Variants in RSRC1 observed in about 807,000 individuals in gnomAD.
The protein encoded by RSRC1 is serine/Arginine-related protein 53.
A neutral mutation model predicts 49.1 loss-of-function variants in RSRC1; 39 were observed. The ratio of observed to expected loss-of-function variants is 0.79; its 90% CI spans 0.61 to 1.04. RSRC1 has a LOEUF of 1.04. RSRC1 is among the 50% of genes least tolerant of loss of function. RSRC1 has a pLI of 0.00. For missense variants in RSRC1, 388 were observed against 402.4 expected, an observed-to-expected ratio of 0.96 and a Z score of 0.31; for synonymous variants, 143 against 130.8, an observed-to-expected ratio of 1.09 and a Z score of -0.63.
rs993872534 is a variant in RSRC1 at position 158,539,858 on chromosome 3, C to G, written c.759+2660C>G. The stretch of plus-strand genomic sequence containing the variant: ...CAAAGAAATCTTAATGTACTGTGTA[C>G]GTAAAAACAAGATGAGATTGCTTGG... On this transcript the variant is annotated intron_variant, in intron 8 of 9. Transcript: ENST00000611884. This position sits in a 1 kb window ranked among gnomAD's most constrained non-coding sequence, Gnocchi z 4.1. 6.6e-6 allele frequency among the ~76,000 whole-genome samples: 1 copy of G among 152,072 alleles called. No individual in the cohort carries two copies. Among genetic ancestry groups the G allele is most frequent in the East Asian group, 1.9e-4 (1 of 5,198 alleles).
intron 3 of RSRC1, among the ~76,000 whole-genome samples, chr3:158,200,325 A>AC (rs1720969330): frequency 1.3e-5 from 2 of 152,190 alleles, no homozygotes. Context: ...GGCGTGAGCT[A>AC]CCACGCCCGG....
chr3:158,152,569 C>T (rs1229333574), intron 3 of RSRC1, among the ~76,000 whole-genome samples: 1 of 152,072 alleles, frequency 6.6e-6, no homozygotes, highest in African/African-American at 2.4e-5. Context: ...TTGTTCTTCC[C>T]ATCAGTATTC....
At chr3:158,326,917 G>A (rs1729191220) in intron 5 of RSRC1, among the ~76,000 whole-genome samples, 1 of 152,088 alleles carries the variant, frequency 6.6e-6, no homozygotes, top group Non-Finnish European at 1.5e-5. Flanking sequence ...GCCTGTTATT[G>A]GTCTATTCAG....
intron 6 of RSRC1, among the ~76,000 whole-genome samples, chr3:158,458,598 C>T (rs1187066852): frequency 1.3e-5 from 2 of 151,982 alleles, no homozygotes; most frequent in Non-Finnish European, 2.9e-5. Flanking sequence ...AGTGGAAGAA[C>T]CAAGGGACTG....
At chr3:158,532,653 T>C (rs576533205) in intron 7 of RSRC1, among the ~76,000 whole-genome samples, 173 of 151,978 alleles carry the variant, frequency 1.1e-3, no homozygotes, top group African/African-American at 3.8e-3. Flanking sequence ...TGGTCTGTAA[T>C]GACTTGGCTT....
intron 4 of RSRC1, among the ~76,000 whole-genome samples, chr3:158,229,262 ATG>A (rs1722775515): frequency 8.2e-6 from 1 of 122,458 alleles, no homozygotes; most frequent in Admixed American, 8.5e-5. Context: ...ATACATGTAT[ATG>A]TGTATGTATG....
At chr3:158,214,266 A>T (rs1324342826) in intron 4 of RSRC1, among the ~76,000 whole-genome samples, 1 of 151,782 alleles carries the variant, frequency 6.6e-6, no homozygotes, top group Non-Finnish European at 1.5e-5. Flanking sequence ...TGTTGAGTTT[A>T]TATTCATAGA....
At chr3:158,156,715 G>A (rs1717900200) in intron 3 of RSRC1, among the ~76,000 whole-genome samples, 1 of 152,204 alleles carries the variant, frequency 6.6e-6, no homozygotes, top group African/African-American at 2.4e-5. Context: ...ACAGAGATGG[G>A]AACAGTTGGT....
At chr3:158,511,035 T>C (rs1251481941) in intron 7 of RSRC1, among the ~76,000 whole-genome samples, 2 of 152,206 alleles carry the variant, frequency 1.3e-5, no homozygotes, top group Non-Finnish European at 2.9e-5. Flanking sequence ...TGCATATTTA[T>C]TTAGGTTTTC....
intron 8 of RSRC1, among the ~76,000 whole-genome samples, chr3:158,542,009 T>C (rs1285309082): frequency 6.6e-6 from 1 of 152,174 alleles, no homozygotes; most frequent in Non-Finnish European, 1.5e-5. Context: ...ATGGTTTGCA[T>C]GATGGTATAA....
intron 5 of RSRC1, among the ~76,000 whole-genome samples, chr3:158,351,524 G>T (rs1730872276): frequency 6.6e-6 from 1 of 152,180 alleles, no homozygotes; most frequent in African/African-American, 2.4e-5. Context: ...ATAAAATTTA[G>T]CAAGTTATAT....
At chr3:158,446,310 T>C (rs1008846134) in intron 6 of RSRC1, among the ~76,000 whole-genome samples, 5 of 151,922 alleles carry the variant, frequency 3.3e-5, no homozygotes, top group African/African-American at 4.8e-5. Context: ...CTCTGCCATA[T>C]AGAATTGAAA....
At chr3:158,511,016 G>T (rs556244933) in intron 7 of RSRC1, among the ~76,000 whole-genome samples, 19 of 152,134 alleles carry the variant, frequency 1.2e-4, no homozygotes, top group African/African-American at 4.6e-4. Flanking sequence ...CTAGAGCATG[G>T]TATAGCTCTG....
chr3:158,446,686 T>G (rs935994465), intron 6 of RSRC1, among the ~76,000 whole-genome samples: 1 of 152,064 alleles, frequency 6.6e-6, no homozygotes, highest in Non-Finnish European at 1.5e-5. Flanking sequence ...AGTGCCGACA[T>G]AGATTTTGAT....
intron 6 of RSRC1, among the ~76,000 whole-genome samples, chr3:158,434,545 A>C (rs914696395): frequency 4.6e-5 from 7 of 151,936 alleles, no homozygotes; most frequent in African/African-American, 1.7e-4. Flanking sequence ...GTCCTCTGTC[A>C]TTCCATTTGT....
chr3:158,423,815 G>C (rs985627172), intron 6 of RSRC1, among the ~76,000 whole-genome samples: 1 of 151,706 alleles, frequency 6.6e-6, no homozygotes, highest in African/African-American at 2.4e-5. Flanking sequence ...TGGATTCCTA[G>C]GTATTTTATT....
chr3:158,159,250 T>A (rs1440888126), intron 3 of RSRC1, among the ~76,000 whole-genome samples: 1 of 152,130 alleles, frequency 6.6e-6, no homozygotes, highest in Non-Finnish European at 1.5e-5. Flanking sequence ...GTGGTTGAGA[T>A]GTGCTGCAAA....
chr3:158,141,081 G>A (rs1031866343), intron 3 of RSRC1, among the ~76,000 whole-genome samples: 8 of 152,180 alleles, frequency 5.3e-5, no homozygotes, highest in African/African-American at 1.9e-4. Context: ...AGGTATGGAT[G>A]TTTTTAAAGT....
chr3:158,436,191 G>A (rs955301481), intron 6 of RSRC1, among the ~76,000 whole-genome samples: 3 of 151,854 alleles, frequency 2.0e-5, no homozygotes, highest in Non-Finnish European at 4.4e-5. Context: ...TCAAGTAGTT[G>A]GCAGTCTAGT....
Sources: allele counts gnomAD v4.1 joint callset (sites outside exome capture counted in the v4.1 genomes callset), GRCh38; gene constraint gnomAD v4.1.1; non-coding constraint Gnocchi (gnomAD v3.1); transcripts MANE v1.5; gene names NCBI Gene and HGNC (gene_info 2026-07-23, HGNC 2026-07-21).